The following ETNK1 variants were observed in gnomAD, a reference collection of about 807,000 sequenced individuals.
ETNK1 encodes ethanolamine kinase 1.
A neutral mutation model predicts 45.1 loss-of-function variants in ETNK1; 8 were observed. The ratio of observed to expected loss-of-function variants is 0.18; its 90% CI spans 0.10 to 0.32. ETNK1 has a LOEUF of 0.32. ETNK1 is among the 10% of genes least tolerant of loss of function. The pLI, the probability that ETNK1 is intolerant of heterozygous loss-of-function variation, is 1.00. For missense variants in ETNK1, 302 were observed against 430.6 expected, an observed-to-expected ratio of 0.70 and a Z score of 2.64; for synonymous variants, 152 against 151.9, an observed-to-expected ratio of 1.00 and a Z score of -0.01.
At chr12:22,655,328 G>GTTTTTTTTTTTTTTTTTTTTTTTTT (rs10586779) in intron 2 of ETNK1, among the ~76,000 whole-genome samples, 1 of 122,790 alleles carries the variant, frequency 8.1e-6, no homozygotes, top group African/African-American at 3.0e-5. Context: ...GGGTTTGTTT[G>GTTTTTTTTTTTTTTTTTTTTTTTTT]TTTTTTTTTT....
In ETNK1 at chr12:22,645,247, C is replaced by T. The variant is rs186538490; in HGVS notation, c.416+1225C>T. 3.3e-5 allele frequency among the ~76,000 whole-genome samples: 5 copies of T among 151,728 alleles called. No individual in the cohort carries two copies. The East Asian group carries it at 9.7e-4, about 29-fold the overall frequency. On this transcript the variant is annotated intron_variant, in intron 2 of 7. Transcript: ENST00000266517. ...TTAATAGATGCATAGATTGGATCCC[C>T]CCAAAGCTGGTTTTGTATATATACA...
At chr12:22,667,925 C>T (rs192837327) in intron 4 of ETNK1, among the ~76,000 whole-genome samples, 12 of 152,058 alleles carry the variant, frequency 7.9e-5, no homozygotes, top group East Asian at 5.8e-4. Flanking sequence ...GATTTGATTA[C>T]GCTGATAAAG....
intron 1 of ETNK1, among the ~76,000 whole-genome samples, chr12:22,628,422 T>G (rs1343095869): frequency 6.6e-6 from 1 of 152,122 alleles, no homozygotes; most frequent in Non-Finnish European, 1.5e-5. Flanking sequence ...TTTGCATTAC[T>G]TTTTTCATAT....
chr12:22,672,442 T>G (rs563558031), intron 5 of ETNK1, among the ~76,000 whole-genome samples: 2 of 152,280 alleles, frequency 1.3e-5, no homozygotes, highest in African/African-American at 4.8e-5. Context: ...AAATTTTAAT[T>G]TGATGTTTCC....
rs1275027624 is a variant in ETNK1, at chr12:22,686,954, T to C, written c.*2000T>C. On this transcript the variant is annotated 3_prime_UTR_variant, in exon 8 of 8. Transcript: ENST00000266517. ...AGGAGAGAAGATAATTTTTCTACCTTACTCCATATTCTTACTTCAAACTAT... is the reference window on the plus strand; with the variant it reads ...AGGAGAGAAGATAATTTTTCTACCTCACTCCATATTCTTACTTCAAACTAT... 6.8e-6 allele frequency: 1 copy of C among 147,730 alleles called. No homozygotes were observed. Among genetic ancestry groups the C allele is most frequent in the Admixed American group, 6.8e-5 (1 of 14,630 alleles). The allele number at this position is 147,730 out of a possible 1,614,324, so 9.2% of individuals were successfully genotyped here.
chr12:22,642,395 A>C (rs1953750906), intron 1 of ETNK1, among the ~76,000 whole-genome samples: 1 of 152,066 alleles, frequency 6.6e-6, no homozygotes, highest in Non-Finnish European at 1.5e-5. Flanking sequence ...AGTGTCTTTC[A>C]TACAGTCTTT....
rs577467868 is a variant in ETNK1, at chr12:22,686,057, T to C, written c.*1103T>C. 1 of 152,458 alleles carries C rather than the reference T, an allele frequency of 6.6e-6. No individual in the cohort carries two copies. The highest frequency in any genetic ancestry group is 2.4e-5 in the African/African-American group (1 of 41,554). The allele number at this position is 152,458 out of a possible 1,614,324, so 9.4% of individuals were successfully genotyped here. A position where few individuals can be genotyped will look rare whatever the true frequency, so the allele number is the denominator to read the frequency against. On this transcript the variant is annotated 3_prime_UTR_variant, in exon 8 of 8. Coordinates refer to ENST00000266517, the MANE Select transcript of ETNK1 (RefSeq NM_018638.5). ...TCAGCGTTATATGTTGAGGCAGTTA[T>C]ATAATTAAATAAGGAACACTTAGGG...
chr12:22,630,380 A>G (rs1038534707), intron 1 of ETNK1, among the ~76,000 whole-genome samples: 1 of 152,164 alleles, frequency 6.6e-6, no homozygotes, highest in Non-Finnish European at 1.5e-5. Flanking sequence ...TCCTTGTACA[A>G]CTAACTGTAG....
Position 22,625,445 on chromosome 12 carries a change from C to T in ETNK1, c.15C>T (p.Ile5=), listed in dbSNP as rs774480354. MANY[I]HVPPGSPEVP... ...TCGCCTGGGCCATGGCCAATTACAT[C>T]CACGTCCCTCCCGGCTCCCCGGAGG... The change falls in exon 1 of 8, where the codon ATC becomes ATT. Residue 5 remains isoleucine, a synonymous_variant. Transcript: ENST00000266517. 25 of 1,591,232 alleles carry T rather than the reference C, an allele frequency of 1.6e-5. No individual in the cohort carries two copies. The highest frequency in any genetic ancestry group is 2.0e-5 in the Non-Finnish European group (23 of 1,169,706).
chr12:22,669,886 A>G (rs1954090668), intron 4 of ETNK1, among the ~76,000 whole-genome samples: 1 of 152,086 alleles, frequency 6.6e-6, no homozygotes, highest in Admixed American at 6.5e-5. Context: ...ATATTTTTAA[A>G]TCTTATATTT....
At chr12:22,626,356 T>C (rs1204096453) in intron 1 of ETNK1, among the ~76,000 whole-genome samples, 2 of 152,172 alleles carry the variant, frequency 1.3e-5, no homozygotes, top group African/African-American at 4.8e-5. Context: ...TGAATACTAA[T>C]CTGTTTTTAG....
intron 1 of ETNK1, among the ~76,000 whole-genome samples, chr12:22,631,177 C>CT (rs57393625): frequency 0.08 from 11,362 of 141,310 alleles, 514 homozygotes; most frequent in South Asian, 0.15. Context: ...GGTAAGTACT[C>CT]TTTTTTTTTT....
Position 22,658,275 on chromosome 12 carries a change from A to T in ETNK1, c.417-739A>T, listed in dbSNP as rs547887864. 3.3e-5 allele frequency among the ~76,000 whole-genome samples: 5 copies of T among 152,280 alleles called. No individual in the cohort carries two copies. The East Asian group carries it at 5.8e-4, about 18-fold the overall frequency. On this transcript the variant is annotated intron_variant, in intron 2 of 7. Transcript: ENST00000266517. ...GAGAAAGAAGGACCTCCAGCCTAGG[A>T]GGTACCTATCAAAAGAAGCGTGGGA...
intron 1 of ETNK1, among the ~76,000 whole-genome samples, chr12:22,630,430 A>G (rs1256280668): frequency 1.3e-5 from 2 of 152,152 alleles, no homozygotes; most frequent in Non-Finnish European, 2.9e-5. Context: ...AGAAGGCTTC[A>G]TAGAGGTGGG....
intron 1 of ETNK1, among the ~76,000 whole-genome samples, chr12:22,629,865 A>C (rs1028179916): frequency 6.6e-6 from 1 of 152,214 alleles, no homozygotes; most frequent in African/African-American, 2.4e-5. Flanking sequence ...TAGTGATTAC[A>C]TCCAGTTTTC....
chr12:22,631,289 C>T (rs1216593650), intron 1 of ETNK1, among the ~76,000 whole-genome samples: 2 of 151,996 alleles, frequency 1.3e-5, no homozygotes, highest in African/African-American at 2.4e-5. Context: ...ATTCTCCTGC[C>T]TCAGCCTCCA....
At chr12:22,632,456 T>C (rs2137517256) in intron 1 of ETNK1, among the ~76,000 whole-genome samples, 1 of 152,200 alleles carries the variant, frequency 6.6e-6, no homozygotes, top group East Asian at 1.9e-4. Flanking sequence ...ACCTAATATT[T>C]GATGATCATG....
At chr12:22,669,769 A>G (rs769871344) in intron 4 of ETNK1, among the ~76,000 whole-genome samples, 3 of 152,156 alleles carry the variant, frequency 2.0e-5, no homozygotes, top group Non-Finnish European at 2.9e-5. Context: ...CAGGAGTTCC[A>G]TACCAGCTTG....
At chr12:22,643,684 C>A in intron 1 of ETNK1, 79 bp from the exon 2 acceptor site, 1 of 1,227,190 alleles carries the variant, frequency 8.1e-7, no homozygotes, top group Non-Finnish European at 1.1e-6. Context: ...GTATTTAACT[C>A]ATGATTTTCA....
Sources: gnomAD v4.1 joint callset for allele counts (sites outside exome capture counted in the v4.1 genomes callset) on GRCh38, gnomAD v4.1.1 for gene constraint, MANE v1.5 for transcripts, NCBI Gene and HGNC (gene_info 2026-07-23, HGNC 2026-07-21) for gene names.